EPG5: variants seen among roughly 807,000 people sequenced by gnomAD.
EPG5 encodes the protein ectopic P-granules 5 autophagy tethering factor, also known as ectopic P granules protein 5 homolog.
Under a neutral mutation model 302.7 loss-of-function variants are expected in EPG5, and 159 were observed. The observed-to-expected ratio is 0.53, with a 90% CI of 0.46 to 0.60. EPG5 has a LOEUF of 0.60. Among genes scored for constraint, EPG5 ranks in the 20% least tolerant of loss-of-function variants. The pLI, the probability that EPG5 is intolerant of heterozygous loss-of-function variation, is 0.00. For synonymous variants in EPG5, 1,158 were observed against 1,136.8 expected (o/e 1.02, Z -0.37); for missense variants, 2,896 against 3,092.4 (o/e 0.94, Z 1.51).
intron 16 of EPG5, among the ~76,000 whole-genome samples, chr18:45,918,112 C>G (rs1301827116): frequency 6.6e-6 from 1 of 152,124 alleles, no homozygotes; most frequent in African/African-American, 2.4e-5. Flanking sequence ...AATTTCTAAT[C>G]CAGAGTGCTC....
chr18:45,876,212 A>G (rs563703482), intron 35 of EPG5, 24 bp downstream of exon 35: 3 of 1,525,206 alleles, frequency 2.0e-6, no homozygotes, highest in South Asian at 1.1e-5. Context: ...AAAACTAAGC[A>G]GAGACAGCCT....
At chr18:45,838,923 C>T in the EPG5 span, 1 of 1,604,268 alleles carries the variant, frequency 6.2e-7, no homozygotes, top group South Asian at 1.1e-5. Flanking sequence ...ATGACGGCCG[C>T]TACACGTGTA....
chr18:45,904,221 G>T, intron 24 of EPG5, 104 bp from the exon 25 acceptor site: 1 of 1,319,172 alleles, frequency 7.6e-7, no homozygotes, highest in Non-Finnish European at 1.0e-6. Context: ...TCAACACGAA[G>T]TGGTCTACTC....
intron 11 of EPG5, among the ~76,000 whole-genome samples, chr18:45,932,862 GA>G (rs1471875900): frequency 6.6e-6 from 1 of 152,138 alleles, no homozygotes; most frequent in African/African-American, 2.4e-5. Context: ...CCAGCAGCAG[GA>G]TCCAAAGCTC....
At chr18:45,837,845 G>A in the EPG5 span, 1 of 1,537,260 alleles carries the variant, frequency 6.5e-7, no homozygotes, top group Non-Finnish European at 8.7e-7. Context: ...GTTCGCCGGC[G>A]ACGTCCATGA....
chr18:45,873,573 C>A (rs1568110106), intron 35 of EPG5, among the ~76,000 whole-genome samples: 1 of 151,382 alleles, frequency 6.6e-6, no homozygotes, highest in African/African-American at 2.4e-5. Context: ...GTGCTCAAAT[C>A]TTTTTCTCAG....
At chr18:45,888,364 C>T (rs764163498) in intron 28 of EPG5, among the ~76,000 whole-genome samples, 13 of 151,986 alleles carry the variant, frequency 8.6e-5, no homozygotes, top group Non-Finnish European at 1.5e-4. Context: ...AGTGCAATGG[C>T]GCAATCTCAG....
intron 7 of EPG5, among the ~76,000 whole-genome samples, chr18:45,946,291 A>G (rs998944647): frequency 4.6e-5 from 7 of 152,224 alleles, no homozygotes; most frequent in African/African-American, 1.7e-4. Flanking sequence ...GTGAGGCTCC[A>G]ACCCCAGCAA....
At position 45,913,876 on chromosome 18, in the gene EPG5, C is replaced by A. The variant is rs556210019; in HGVS notation, c.3694-48G>T. 25 of 1,599,828 alleles carry A rather than the reference C, an allele frequency of 1.6e-5. No homozygotes were observed. The South Asian group carries it at 2.3e-4, about 14-fold the overall frequency. ...GGAGGGGAAGGAGGAGCTCGCCCCA[C>A]TGACGAAATACATCCTGATATTCCA... On this transcript the variant is annotated intron_variant, in intron 20 of 43. Transcript: ENST00000282041.
chr18:45,807,552 G>C, the EPG5 span, among the ~76,000 whole-genome samples: 346 of 152,296 alleles, frequency 2.3e-3, 4 homozygotes, highest in African/African-American at 8.1e-3. Flanking sequence ...TCACATCACA[G>C]GACTCTGTGC....
At chr18:45,902,766 C>T (rs1200632260) in intron 25 of EPG5, among the ~76,000 whole-genome samples, 2 of 152,198 alleles carry the variant, frequency 1.3e-5, no homozygotes, top group Non-Finnish European at 2.9e-5. Flanking sequence ...TCACCAGACA[C>T]AAGAGGTAGA....
At chr18:45,893,333 G>A (rs2049392996) in intron 27 of EPG5, among the ~76,000 whole-genome samples, 1 of 152,176 alleles carries the variant, frequency 6.6e-6, no homozygotes, top group Admixed American at 6.5e-5. Context: ...GGGAGGCCAA[G>A]GTGGGTGGTT....
chr18:45,948,211 T>C (rs1375880311), intron 6 of EPG5, among the ~76,000 whole-genome samples: 1 of 152,238 alleles, frequency 6.6e-6, no homozygotes, highest in Non-Finnish European at 1.5e-5. Context: ...TCTTCTGGCA[T>C]TAAATCTCTT....
At chr18:45,841,369 C>A in the EPG5 span, among the ~76,000 whole-genome samples, 1 of 151,962 alleles carries the variant, frequency 6.6e-6, no homozygotes, top group East Asian at 1.9e-4. Context: ...CAGGTGAGGC[C>A]CAGAAAGGAG....
chr18:45,962,056 G>A (rs1049474151), intron 1 of EPG5, among the ~76,000 whole-genome samples: 3 of 148,530 alleles, frequency 2.0e-5, no homozygotes, highest in African/African-American at 7.4e-5. Flanking sequence ...ACTAAGGCCA[G>A]GTTCTTTGGG....
intron 10 of EPG5, among the ~76,000 whole-genome samples, chr18:45,939,283 G>T (rs2050609021): frequency 6.6e-6 from 1 of 151,908 alleles, no homozygotes; most frequent in Admixed American, 6.5e-5. Flanking sequence ...ACTGCAGTGG[G>T]TATGTGATAG....
In EPG5 at chr18:45,916,464, C is replaced by T. The variant is rs758682538; in HGVS notation, c.3358G>A (p.Val1120Met). ...HLTGASHGDN[V>M]KLLNSMIQAH... is the part of the protein sequence containing the mutation. ...TGGATCATGCTGTTGAGAAGCTTCA[C>T]GTTGTCCCCATGGCTGGCTCCTGTC... Residue 1120 changes from valine to methionine, a missense_variant, in exon 18 of 44, where the codon GTG becomes ATG. Around this residue, in one of 5 missense-constraint regions of EPG5, gnomAD observed 1,390 missense variants for 1,430.0 expected, o/e 0.97. Transcript: ENST00000282041. 7 of 1,613,322 alleles carry T rather than the reference C, an allele frequency of 4.3e-6. No individual in the cohort carries two copies. The East Asian group carries it at 6.7e-5, about 15-fold the overall frequency.
intron 1 of EPG5, among the ~76,000 whole-genome samples, chr18:45,960,269 T>TA (rs1351261087): frequency 5.3e-5 from 8 of 151,838 alleles, no homozygotes; most frequent in East Asian, 1.9e-4. Flanking sequence ...TTTCCTTTTT[T>TA]AAAAAAAAAT....
chr18:45,804,679 A>G, the EPG5 span, among the ~76,000 whole-genome samples: 12 of 152,228 alleles, frequency 7.9e-5, no homozygotes, highest in African/African-American at 2.9e-4. Context: ...AAATAAAAGA[A>G]AACTAAGAGA....
Sources: allele counts gnomAD v4.1 joint callset (sites outside exome capture counted in the v4.1 genomes callset), GRCh38; gene constraint gnomAD v4.1.1; regional missense constraint gnomAD v4.1.1; transcripts MANE v1.5; gene names NCBI Gene and HGNC (gene_info 2026-07-23, HGNC 2026-07-21).